The following HBS1L variants were observed in gnomAD, a reference collection of about 807,000 sequenced individuals.
HBS1L encodes HBS1-like protein.
Under a neutral mutation model 88.9 loss-of-function variants are expected in HBS1L, and 55 were observed. The observed-to-expected ratio is 0.62, with a 90% CI of 0.50 to 0.77. HBS1L has a LOEUF of 0.77. Ranked by LOEUF, HBS1L falls within the 30% of genes least tolerant of loss-of-function variation. The pLI is 0.00. For missense variants in HBS1L, 741 were observed against 829.3 expected (o/e 0.89, Z 1.31); for synonymous variants, 267 against 288.5 (o/e 0.93, Z 0.76).
chr6:135,026,455 G>A (rs755406747), intron 4 of HBS1L, among the ~76,000 whole-genome samples: 8 of 151,870 alleles, frequency 5.3e-5, no homozygotes, highest in African/African-American at 9.7e-5. Context: ...AACACAAATC[G>A]TATCAAAATA....
intron 4 of HBS1L, chr6:135,036,150 A>C: frequency 1.3e-6 from 1 of 748,154 alleles, no homozygotes; most frequent in African/African-American, 1.9e-5. Flanking sequence ...TGTGCCACAT[A>C]AGAATAATCT....
intron 13 of HBS1L, among the ~76,000 whole-genome samples, chr6:134,981,758 G>T (rs1774837493): frequency 6.6e-6 from 1 of 151,668 alleles, no homozygotes; most frequent in African/African-American, 2.4e-5. Context: ...GAATTAGAAA[G>T]TTTTAGTCAA....
At chr6:135,050,758 A>G (rs142031531) in intron 1 of HBS1L, 111 bp from the exon 2 acceptor site, 333 of 693,884 alleles carry the variant, frequency 4.8e-4, no homozygotes, top group African/African-American at 1.2e-3. Context: ...ATCAAAATTT[A>G]AGGATCCTAG....
chr6:134,987,640 AATACCTG>A lies in HBS1L; in HGVS notation c.1228_1230+4del. On this transcript the variant is annotated splice_donor_variant and splice_donor_region_variant and coding_sequence_variant and intron_variant, in exon 9 of 18. Coordinates refer to ENST00000367837, the MANE Select transcript of HBS1L (RefSeq NM_006620.4). LOFTEE classifies it high-confidence loss of function. Reference sequence around the variant, plus strand: ...TAAACAAATCTCCACAAAGCCCTTAAATACCTGATCCATTTTATTAACTGCAACTGCA... The same window carrying A: ...TAAACAAATCTCCACAAAGCCCTTAAATCCATTTTATTAACTGCAACTGCA... 1 of 1,594,734 alleles carries A rather than the reference AATACCTG, an allele frequency of 6.3e-7. No homozygotes were observed. Among genetic ancestry groups the A allele is most frequent in the Non-Finnish European group, 8.5e-7 (1 of 1,171,142 alleles).
intron 4 of HBS1L, among the ~76,000 whole-genome samples, chr6:135,017,280 C>G (rs1272563476): frequency 6.6e-6 from 1 of 152,106 alleles, no homozygotes; most frequent in Non-Finnish European, 1.5e-5. Flanking sequence ...GATGTTTGAA[C>G]ATTTTAATAC....
chr6:134,990,003 T>A (rs1443193931), intron 8 of HBS1L, among the ~76,000 whole-genome samples: 1 of 152,204 alleles, frequency 6.6e-6, no homozygotes, highest in Non-Finnish European at 1.5e-5. Context: ...ATATAAAACA[T>A]CCAGACCAGA....
intron 1 of HBS1L, among the ~76,000 whole-genome samples, chr6:135,052,572 A>G (rs1777120525): frequency 7.0e-6 from 1 of 143,830 alleles, no homozygotes; most frequent in Admixed American, 7.2e-5. Context: ...ACAAAGTGCG[A>G]TCCTGTCTCT....
chr6:135,002,621 A>C, intron 5 of HBS1L, 113 bp downstream of exon 5: 1 of 634,874 alleles, frequency 1.6e-6, no homozygotes, highest in Admixed American at 2.6e-5. Context: ...ATGATACTTC[A>C]GTGCTAATGA....
chr6:134,978,926 A>C, intron 14 of HBS1L, 139 bp from the exon 15 acceptor site: 2 of 631,220 alleles, frequency 3.2e-6, no homozygotes. Flanking sequence ...CTTCTGAGCT[A>C]AAGCATGACT....
chr6:135,036,613 G>A, intron 4 of HBS1L: 1 of 1,542,428 alleles, frequency 6.5e-7, no homozygotes, highest in Non-Finnish European at 8.7e-7. Context: ...ATCAGGTGAT[G>A]CTGATTTGAA....
In HBS1L at chr6:134,978,708, T is replaced by C. The variant is rs1316570374; in HGVS notation, c.1768A>G (p.Ile590Val). ...RFRARILIFN[I>V]EIPITKGFPV... is the part of the protein sequence containing the mutation. Reference sequence around the variant, plus strand: ...AATCCTTTAGTGATAGGAATTTCAATATTAAAGATGAGGATTCGGGCTCTG... The same window carrying C: ...AATCCTTTAGTGATAGGAATTTCAACATTAAAGATGAGGATTCGGGCTCTG... The change falls in exon 15 of 18, where the codon ATT (isoleucine) becomes GTT (valine). Residue 590 changes from isoleucine to valine, a missense_variant. Transcript: ENST00000367837. 6.2e-7 allele frequency: 1 copy of C among 1,600,980 alleles called. No individual in the cohort carries two copies. The highest frequency in any genetic ancestry group is 1.3e-5 in the African/African-American group (1 of 74,584).
At chr6:135,021,067 C>T (rs1352448284) in intron 4 of HBS1L, among the ~76,000 whole-genome samples, 1 of 152,022 alleles carries the variant, frequency 6.6e-6, no homozygotes, top group Non-Finnish European at 1.5e-5. Flanking sequence ...CTATCCTTTA[C>T]TGGTTTTGTG....
intron 4 of HBS1L, among the ~76,000 whole-genome samples, chr6:135,010,996 CA>C (rs1246398406): frequency 6.6e-6 from 1 of 151,894 alleles, no homozygotes; most frequent in Non-Finnish European, 1.5e-5. Context: ...GTTATAAATA[CA>C]AATTCAGTAT....
intron 1 of HBS1L, among the ~76,000 whole-genome samples, chr6:135,051,504 T>C (rs1777081940): frequency 6.6e-6 from 1 of 152,188 alleles, no homozygotes. Context: ...TTGCCTAGAT[T>C]TTCCGAGGCC....
intron 4 of HBS1L, chr6:135,037,838 G>A (rs764139381): frequency 3.5e-5 from 54 of 1,544,466 alleles, no homozygotes; most frequent in Non-Finnish European, 4.3e-5. Flanking sequence ...TCACTTTTAC[G>A]TGTGTCAAGT....
At chr6:134,979,739 A>G (rs1774766437) in intron 13 of HBS1L, among the ~76,000 whole-genome samples, 1 of 152,036 alleles carries the variant, frequency 6.6e-6, no homozygotes, top group Non-Finnish European at 1.5e-5. Context: ...TTGTTTTCCA[A>G]GTAACCCATG....
chr6:134,981,845 T>C (rs1450574178), intron 13 of HBS1L, among the ~76,000 whole-genome samples: 1 of 151,992 alleles, frequency 6.6e-6, no homozygotes, highest in African/African-American at 2.4e-5. Flanking sequence ...TGTGTGTATA[T>C]ATTAGAAGAC....
intron 15 of HBS1L, among the ~76,000 whole-genome samples, chr6:134,973,800 C>T (rs998584758): frequency 6.6e-6 from 1 of 151,484 alleles, no homozygotes; most frequent in African/African-American, 2.4e-5. Context: ...TGTGCCACTG[C>T]ACTCTAGCCT....
rs1194294630 is a variant in HBS1L at position 134,960,988 on chromosome 6, GA to G, written c.*4290del. 6.6e-6 allele frequency: 1 copy of G among 151,284 alleles called. No individual in the cohort carries two copies. The highest frequency in any genetic ancestry group is 2.4e-5 in the African/African-American group (1 of 41,208). 9.4% of individuals were successfully genotyped at this position (151,284 alleles called of 1,614,324 possible). A position where few individuals can be genotyped will look rare whatever the true frequency, so the allele number is the denominator to read the frequency against. ...TTGCAGTTTGAGTCTACATTTTAAA[GA>G]TAAAAACCTATTTTCATTTACTGTA... On this transcript the variant is annotated 3_prime_UTR_variant, in exon 18 of 18. Transcript: ENST00000367837.
Sources: gnomAD v4.1 joint callset for allele counts (sites outside exome capture counted in the v4.1 genomes callset) on GRCh38, gnomAD v4.1.1 for gene constraint, MANE v1.5 for transcripts, NCBI Gene and HGNC (gene_info 2026-07-23, HGNC 2026-07-21) for gene names.